Variants in DIP2C observed in about 807,000 individuals in gnomAD.
The protein encoded by DIP2C is DIP2 acetate--CoA ligase C (putative), also known as disco-interacting protein 2 homolog C.
DIP2C carries 33 observed loss-of-function variants against 192.4 expected under a neutral mutation model. The ratio of observed to expected loss-of-function variants is 0.17; its 90% confidence interval spans 0.13 to 0.23. The LOEUF is 0.23. DIP2C is among the 10% of genes least tolerant of loss of function. The probability of loss-of-function intolerance (pLI) is 1.00; values close to 1 mark genes in which losing one functional copy is unlikely to be tolerated. For missense variants in DIP2C, 1,537 were observed against 2,110.1 expected (o/e 0.73, Z 5.32); for synonymous variants, 979 against 864.1 (o/e 1.13, Z -2.33).
chr10:645,575 GTATTA>G (rs913677009), intron 1 of DIP2C, among the ~76,000 whole-genome samples: 1 of 152,148 alleles, frequency 6.6e-6, no homozygotes, highest in Non-Finnish European at 1.5e-5. Flanking sequence ...CTTGATGGTG[GTATTA>G]TAAGTAATTT....
At chr10:384,377 A>C (rs578055253) in intron 15 of DIP2C, among the ~76,000 whole-genome samples, 169 bp downstream of exon 15, 2 of 136,700 alleles carry the variant, frequency 1.5e-5, no homozygotes, top group African/African-American at 2.8e-5. Context: ...AGCTGGGATT[A>C]TAGGCATGCG....
At chr10:413,619 AAATC>A (rs1965329091) in intron 8 of DIP2C, among the ~76,000 whole-genome samples, 1 of 152,224 alleles carries the variant, frequency 6.6e-6, no homozygotes, top group African/African-American at 2.4e-5. Flanking sequence ...AGGCAGCACA[AAATC>A]AATCAGTCAC....
chr10:349,567 A>G (rs1958691784), intron 24 of DIP2C, 113 bp from the exon 25 acceptor site: 4 of 1,437,734 alleles, frequency 2.8e-6, no homozygotes, highest in Middle Eastern at 1.8e-4. Context: ...ACTGGTTTTT[A>G]GAACAAGCAC....
intron 1 of DIP2C, among the ~76,000 whole-genome samples, chr10:584,056 C>T (rs1406104996): frequency 1.3e-5 from 2 of 152,128 alleles, no homozygotes; most frequent in Non-Finnish European, 2.9e-5. Context: ...GAGGAGGTGG[C>T]CCCCAAATCC....
chr10:362,731 A>T, intron 21 of DIP2C, 40 bp from the exon 22 acceptor site: 1 of 1,561,718 alleles, frequency 6.4e-7, no homozygotes, highest in Non-Finnish European at 8.7e-7. Context: ...TATAAGAGGA[A>T]GTATAAACAG....
intron 19 of DIP2C, among the ~76,000 whole-genome samples, chr10:365,791 G>A (rs539229446): frequency 1.1e-4 from 17 of 152,150 alleles, no homozygotes; most frequent in Non-Finnish European, 2.1e-4. Flanking sequence ...CACTGAGATC[G>A]TTACATACAC....
At chr10:569,509 A>G (rs547332116) in intron 1 of DIP2C, among the ~76,000 whole-genome samples, 9 of 152,354 alleles carry the variant, frequency 5.9e-5, no homozygotes, top group African/African-American at 2.2e-4. Context: ...CAAACGCAAA[A>G]TAACAAACCA....
chr10:510,505 G>A (rs1200647667), intron 1 of DIP2C, among the ~76,000 whole-genome samples: 2 of 152,228 alleles, frequency 1.3e-5, no homozygotes, highest in Non-Finnish European at 2.9e-5. Context: ...ACCACCTTCC[G>A]GAAAGCTCTC....
rs971726194 is a variant in DIP2C at position 651,050 on chromosome 10, A to C, written c.85+38444T>G. The C allele has an allele frequency of 1.4e-6, 1 of 716,728 alleles. No individual in the cohort carries two copies. Among genetic ancestry groups the C allele is most frequent in the Non-Finnish European group, 2.6e-6 (1 of 384,988 alleles). 44.4% of individuals were successfully genotyped at this position (716,728 alleles called of 1,614,324 possible). A position where few individuals can be genotyped will look rare whatever the true frequency, so the allele number is the denominator to read the frequency against. Reference sequence around the variant, plus strand: ...TTCTGCAGAAGCCCCTTTCCATCCTAGCCCCTGCCACCCCTCCTGCTCTTG... The same window carrying C: ...TTCTGCAGAAGCCCCTTTCCATCCTCGCCCCTGCCACCCCTCCTGCTCTTG... On this transcript the variant is annotated intron_variant, in intron 1 of 36. Coordinates refer to ENST00000280886, the MANE Select transcript of DIP2C (RefSeq NM_014974.3). The surrounding 1 kb of genome is among the most constrained non-coding windows in gnomAD (Gnocchi z 4.1).
At chr10:428,444 T>G (rs1030056922) in intron 4 of DIP2C, among the ~76,000 whole-genome samples, 2 of 152,218 alleles carry the variant, frequency 1.3e-5, no homozygotes, top group African/African-American at 4.8e-5. Flanking sequence ...CCCTTTCTTC[T>G]CCTTTTAGTA....
At chr10:490,371 C>G (rs1031140224) in intron 1 of DIP2C, among the ~76,000 whole-genome samples, 1 of 152,262 alleles carries the variant, frequency 6.6e-6, no homozygotes, top group Admixed American at 6.5e-5. Flanking sequence ...TCCTTCCCCA[C>G]GTTTCTAAGC....
intron 32 of DIP2C, among the ~76,000 whole-genome samples, chr10:309,798 A>C (rs927316737): frequency 2.0e-5 from 3 of 151,882 alleles, no homozygotes; most frequent in African/African-American, 7.3e-5. Flanking sequence ...TGATCCGCCT[A>C]CCTCAGCCTC....
At chr10:330,448 C>A (rs1010163698) in intron 29 of DIP2C, among the ~76,000 whole-genome samples, 15 of 152,124 alleles carry the variant, frequency 9.9e-5, no homozygotes, top group Admixed American at 5.9e-4. Context: ...TATGAATTCA[C>A]AATAGATACC....
intron 32 of DIP2C, among the ~76,000 whole-genome samples, chr10:298,463 C>T (rs1205989720): frequency 1.3e-5 from 2 of 152,214 alleles, no homozygotes; most frequent in African/African-American, 4.8e-5. Context: ...CTTCCACATG[C>T]CCTCTCTGGA....
intron 1 of DIP2C, among the ~76,000 whole-genome samples, chr10:587,338 C>G (rs564312711): frequency 6.6e-6 from 1 of 152,228 alleles, no homozygotes; most frequent in Non-Finnish European, 1.5e-5. Flanking sequence ...AGTTCCGCGT[C>G]AGTAAAACGC....
chr10:489,640 C>T (rs147122937), intron 1 of DIP2C, among the ~76,000 whole-genome samples: 1,761 of 150,934 alleles, frequency 0.012, 12 homozygotes, highest in Non-Finnish European at 0.015. Flanking sequence ...CCATTTCACA[C>T]TAGGGACACG....
chr10:467,111 T>G lies in DIP2C; in HGVS notation c.268+5328A>C, dbSNP rs547684881. Among the ~76,000 whole-genome samples, 484 of 152,056 alleles carry G rather than the reference T, an allele frequency of 3.2e-3. 7 individuals are homozygous for G. Among genetic ancestry groups the G allele is most frequent in the African/African-American group, 0.011 (470 of 41,484 alleles). Reference sequence around the variant, plus strand: ...ATGTTTATTGCGGCATTACTCACAATAGCAAAGACTTAGAACCAACCCAAA... The same window carrying G: ...ATGTTTATTGCGGCATTACTCACAAGAGCAAAGACTTAGAACCAACCCAAA... On this transcript the variant is annotated intron_variant, in intron 3 of 36. Coordinates refer to ENST00000280886, the MANE Select transcript of DIP2C (RefSeq NM_014974.3).
rs146114245 is a variant in DIP2C, at chr10:341,252, G to A, written c.3531C>T (p.Ala1177=). 1 of 1,614,192 alleles carries A rather than the reference G, an allele frequency of 6.2e-7. No individual in the cohort carries two copies. Among genetic ancestry groups the A allele is most frequent in the Non-Finnish European group, 8.5e-7 (1 of 1,180,036 alleles). The part of the protein sequence containing the change: ...QCELYPSREV[A]ICLDPYCGLG... Reference sequence around the variant, plus strand: ...GTCCACAGTAAGGGTCCAGGCAGATGGCCACTTCTCTAGAGGGGTAAAGTT... The same window carrying A: ...GTCCACAGTAAGGGTCCAGGCAGATAGCCACTTCTCTAGAGGGGTAAAGTT... Residue 1177 remains alanine, a synonymous_variant, in exon 29 of 37, where the codon GCC becomes GCT. Coordinates refer to ENST00000280886, the MANE Select transcript of DIP2C (RefSeq NM_014974.3).
At chr10:389,903 T>C in intron 13 of DIP2C, 88 bp downstream of exon 13, 1 of 1,048,594 alleles carries the variant, frequency 9.5e-7, no homozygotes. Context: ...ACGCTATTTC[T>C]ATGGCTCCTC....
Sources: gnomAD v4.1 joint callset for allele counts (sites outside exome capture counted in the v4.1 genomes callset) on GRCh38, gnomAD v4.1.1 for gene constraint, Gnocchi (gnomAD v3.1) non-coding constraint, MANE v1.5 for transcripts, NCBI Gene and HGNC (gene_info 2026-07-23, HGNC 2026-07-21) for gene names.